TBC1D32: variants seen among roughly 807,000 people sequenced by gnomAD.
TBC1D32 encodes protein broad-minded.
A neutral mutation model predicts 170.3 loss-of-function variants in TBC1D32; 151 were observed. The observed-to-expected ratio is 0.89, with a 90% confidence interval of 0.78 to 1.01. The LOEUF (loss-of-function observed/expected upper bound fraction) is 1.01, where lower values mean the gene tolerates loss of function less well. Ranked by LOEUF, TBC1D32 falls within the 50% of genes least tolerant of loss-of-function variation. The probability of loss-of-function intolerance (pLI) is 0.00; values close to 1 mark genes in which losing one functional copy is unlikely to be tolerated. For synonymous variants in TBC1D32, 498 were observed against 488.0 expected, an observed-to-expected ratio of 1.02 and a Z score of -0.27; for missense variants, 1,464 against 1,457.1, an observed-to-expected ratio of 1.00 and a Z score of -0.08.
chr6:121,088,469 T>G (rs1272224516), intron 31 of TBC1D32, among the ~76,000 whole-genome samples: 2 of 152,102 alleles, frequency 1.3e-5, no homozygotes, highest in African/African-American at 4.8e-5. Context: ...GGTTATTATA[T>G]GAATAAGTGA....
intron 1 of TBC1D32, among the ~76,000 whole-genome samples, chr6:121,325,862 T>C (rs113217967): frequency 0.019 from 2,876 of 152,252 alleles, 103 homozygotes; most frequent in African/African-American, 0.066. Flanking sequence ...AGAAAATTTT[T>C]GCAATCTACT....
intron 1 of TBC1D32, among the ~76,000 whole-genome samples, chr6:121,328,618 A>G (rs1810795127): frequency 6.6e-6 from 1 of 152,140 alleles, no homozygotes; most frequent in African/African-American, 2.4e-5. Flanking sequence ...TACAACGAAT[A>G]AACAAGTTTA....
chr6:121,248,166 AC>A (rs1324467961), intron 17 of TBC1D32, among the ~76,000 whole-genome samples: 1 of 152,134 alleles, frequency 6.6e-6, no homozygotes, highest in East Asian at 1.9e-4. Flanking sequence ...TCCAAAAGGA[AC>A]CCTCAAAACT....
At chr6:121,148,511 T>A (rs1449187218) in intron 24 of TBC1D32, among the ~76,000 whole-genome samples, 3 of 152,190 alleles carry the variant, frequency 2.0e-5, no homozygotes, top group Non-Finnish European at 4.4e-5. Flanking sequence ...ACTAATGGAA[T>A]TGCTGGGTCA....
chr6:121,113,835 T>A (rs942022415), intron 27 of TBC1D32, among the ~76,000 whole-genome samples: 2 of 152,214 alleles, frequency 1.3e-5, no homozygotes, highest in African/African-American at 4.8e-5. Context: ...TCTTTTGTAC[T>A]TCTGTACTTT....
chr6:121,226,707 G>A (rs1156489967), intron 20 of TBC1D32, among the ~76,000 whole-genome samples: 1 of 152,026 alleles, frequency 6.6e-6, no homozygotes, highest in Non-Finnish European at 1.5e-5. Flanking sequence ...GTAAAGGAAA[G>A]GTCTGTGAAG....
At chr6:121,117,065 G>C (rs1266882291) in intron 26 of TBC1D32, among the ~76,000 whole-genome samples, 1 of 152,072 alleles carries the variant, frequency 6.6e-6, no homozygotes. Context: ...ATTTTTAAAG[G>C]CCTCTACAGC....
chr6:121,299,695 T>C (rs1193988113), intron 9 of TBC1D32, among the ~76,000 whole-genome samples, 190 bp from the exon 10 acceptor site: 3 of 152,068 alleles, frequency 2.0e-5, no homozygotes, highest in Non-Finnish European at 4.4e-5. Flanking sequence ...ATGCAAATCG[T>C]ATCAAAAAAC....
chr6:121,176,610 AC>A (rs1393313659), intron 22 of TBC1D32, among the ~76,000 whole-genome samples: 1 of 150,468 alleles, frequency 6.6e-6, no homozygotes, highest in Middle Eastern at 3.2e-3. Flanking sequence ...TTCTCCCCCC[AC>A]CCCCGAGATG....
chr6:121,175,752 T>C (rs1192248160), intron 22 of TBC1D32, among the ~76,000 whole-genome samples: 1 of 152,128 alleles, frequency 6.6e-6, no homozygotes, highest in Admixed American at 6.6e-5. Flanking sequence ...TCTAAAAGCA[T>C]AAACAGGAAA....
chr6:121,139,669 T>C (rs1331647301), intron 24 of TBC1D32: 1 of 152,140 alleles, frequency 6.6e-6, no homozygotes, highest in Non-Finnish European at 1.5e-5. Context: ...AGGCTAAATT[T>C]CAACATCTTT....
At chr6:121,301,562 A>G (rs1806485065) in intron 9 of TBC1D32, among the ~76,000 whole-genome samples, 1 of 152,096 alleles carries the variant, frequency 6.6e-6, no homozygotes, top group Non-Finnish European at 1.5e-5. Context: ...GGGGATGGAT[A>G]GCATTAGGAA....
At chr6:121,319,875 A>T (rs1809454926) in intron 2 of TBC1D32, among the ~76,000 whole-genome samples, 2 of 152,156 alleles carry the variant, frequency 1.3e-5, no homozygotes, top group Non-Finnish European at 2.9e-5. Flanking sequence ...CTAAGAAAAA[A>T]CAGATATAAA....
chr6:121,249,301 A>G (rs1798003721), intron 17 of TBC1D32, among the ~76,000 whole-genome samples: 1 of 151,922 alleles, frequency 6.6e-6, no homozygotes, highest in African/African-American at 2.4e-5. Flanking sequence ...AAATAGGCAT[A>G]GACAGGACTT....
chr6:121,281,732 A>G, intron 13 of TBC1D32, 46 bp from the exon 14 acceptor site: 2 of 1,446,848 alleles, frequency 1.4e-6, no homozygotes, highest in Non-Finnish European at 1.9e-6. Flanking sequence ...TTAAATACTT[A>G]GAACTATTTT....
intron 21 of TBC1D32, among the ~76,000 whole-genome samples, chr6:121,206,045 A>G (rs578140733): frequency 1.3e-5 from 2 of 152,162 alleles, no homozygotes; most frequent in African/African-American, 2.4e-5. Context: ...CACCGTCTCT[A>G]GTAAAAATAC....
intron 22 of TBC1D32, among the ~76,000 whole-genome samples, chr6:121,174,451 A>G (rs559474630): frequency 6.6e-6 from 1 of 152,300 alleles, no homozygotes; most frequent in South Asian, 2.1e-4. Flanking sequence ...AGAACCTGGT[A>G]AAGTTAAGCT....
chr6:121,257,903 A>G (rs1583432825), intron 15 of TBC1D32, among the ~76,000 whole-genome samples: 1 of 152,026 alleles, frequency 6.6e-6, no homozygotes. Context: ...CATCCTCCAT[A>G]CTTCCTGGCC....
At chr6:121,302,823 C>G (rs906839696) in intron 9 of TBC1D32, among the ~76,000 whole-genome samples, 4 of 151,956 alleles carry the variant, frequency 2.6e-5, no homozygotes, top group Non-Finnish European at 4.4e-5. Context: ...AAGGGCTAAC[C>G]ACTAGAGACA....
Sources: allele counts gnomAD v4.1 joint callset (sites outside exome capture counted in the v4.1 genomes callset), GRCh38; gene constraint gnomAD v4.1.1; transcripts MANE v1.5; gene names NCBI Gene and HGNC (gene_info 2026-07-23, HGNC 2026-07-21).